Variants in MINDY4 observed in about 807,000 individuals in gnomAD.
The protein encoded by MINDY4 is MINDY lysine 48 deubiquitinase 4.
MINDY4 carries 68 observed loss-of-function variants against 87.0 expected under a neutral mutation model. The observed-to-expected ratio is 0.78, with a 90% CI of 0.64 to 0.96. The LOEUF (loss-of-function observed/expected upper bound fraction) is 0.96. Among genes scored for constraint, MINDY4 ranks in the 40% least tolerant of loss-of-function variants. The pLI, the probability that MINDY4 is intolerant of heterozygous loss-of-function variation, is 0.00. For synonymous variants in MINDY4, 379 were observed against 363.2 expected (o/e 1.04, Z -0.50); for missense variants, 919 against 928.2 (o/e 0.99, Z 0.13).
intron 6 of MINDY4, 38 bp from the exon 7 acceptor site, chr7:30,836,620 C>A (rs1272392575): frequency 6.6e-7 from 1 of 1,525,744 alleles, no homozygotes; most frequent in East Asian, 2.3e-5. Context: ...CTCCGTGAGT[C>A]ATAACGAAGG....
At chr7:30,842,212 C>T (rs184562085) in intron 9 of MINDY4, among the ~76,000 whole-genome samples, 20 of 152,362 alleles carry the variant, frequency 1.3e-4, no homozygotes, top group Middle Eastern at 3.4e-3. Context: ...GGCAAGATCT[C>T]ACCTGTCCTT....
intron 9 of MINDY4, among the ~76,000 whole-genome samples, chr7:30,841,718 C>T (rs143958818): frequency 8.2e-4 from 125 of 152,190 alleles, no homozygotes; most frequent in African/African-American, 2.0e-3. Flanking sequence ...ATCACAAAAC[C>T]GCACACCCAT....
intron 7 of MINDY4, among the ~76,000 whole-genome samples, chr7:30,837,555 C>G (rs911375133): frequency 6.6e-6 from 1 of 152,212 alleles, no homozygotes; most frequent in Non-Finnish European, 1.5e-5. Context: ...TCTCATATCT[C>G]CCCCTTCTTC....
chr7:30,879,594 C>T (rs1007093174), intron 15 of MINDY4, among the ~76,000 whole-genome samples: 1 of 152,236 alleles, frequency 6.6e-6, no homozygotes, highest in South Asian at 2.1e-4. Context: ...CTCGGGCTCT[C>T]TCCCACCTCC....
intron 1 of MINDY4, among the ~76,000 whole-genome samples, chr7:30,776,273 C>G (rs1195827295): frequency 6.6e-6 from 1 of 152,196 alleles, no homozygotes; most frequent in African/African-American, 2.4e-5. Flanking sequence ...TACCTCCTTT[C>G]CCCTGCCATG....
rs1273019704 is a variant in MINDY4 at position 30,787,348 on chromosome 7, A to G, written c.663+1356A>G. 2.0e-5 allele frequency among the ~76,000 whole-genome samples: 3 copies of G among 152,244 alleles called. No homozygotes were observed. In the East Asian group the frequency reaches 5.8e-4, roughly 29 times the overall value. ...ATAAACTGAACCCTGTCCAGGGGAA[A>G]GGGGCTAGAATGGTGAACAGTTTGG... is the stretch of plus-strand genomic sequence containing the variant. On this transcript the variant is annotated intron_variant, in intron 4 of 17. Transcript: ENST00000265299.
At chr7:30,850,280 A>AC (rs1259040080) in intron 9 of MINDY4, among the ~76,000 whole-genome samples, 174 bp from the exon 10 acceptor site, 3 of 151,946 alleles carry the variant, frequency 2.0e-5, no homozygotes, top group Non-Finnish European at 4.4e-5. Context: ...AGCTGTGGAG[A>AC]CCCCTCTTTC....
chr7:30,866,272 C>T (rs1348900607), intron 13 of MINDY4, among the ~76,000 whole-genome samples: 2 of 152,180 alleles, frequency 1.3e-5, no homozygotes, highest in Non-Finnish European at 2.9e-5. Context: ...GGGCCAGGTG[C>T]GCAGAGAAAG....
chr7:30,826,728 CT>C (rs1338777723), intron 5 of MINDY4, among the ~76,000 whole-genome samples: 1 of 152,194 alleles, frequency 6.6e-6, no homozygotes, highest in Non-Finnish European at 1.5e-5. Context: ...GATAGGGTTA[CT>C]TGCTGTGTAA....
At chr7:30,889,984 G>A (rs768073675) in intron 17 of MINDY4, among the ~76,000 whole-genome samples, 2 of 152,214 alleles carry the variant, frequency 1.3e-5, no homozygotes, top group Non-Finnish European at 2.9e-5. Flanking sequence ...AATGGTTCAG[G>A]TGATAAAAGG....
At chr7:30,774,763 C>T (rs1445794249) in intron 1 of MINDY4, among the ~76,000 whole-genome samples, 1 of 151,880 alleles carries the variant, frequency 6.6e-6, no homozygotes, top group African/African-American at 2.4e-5. Context: ...CCTCCTACTC[C>T]TCTGGGTGCT....
Position 30,793,243 on chromosome 7 carries a change from C to T in MINDY4, c.1073+1669C>T, listed in dbSNP as rs1380299583. Among the ~76,000 whole-genome samples, 5 of 151,048 alleles carry T rather than the reference C, an allele frequency of 3.3e-5. 1 individual carries two copies. The highest frequency in any genetic ancestry group is 1.3e-4 in the Admixed American group (2 of 15,164). Reference sequence around the variant, plus strand: ...CTTCTAGTATATAGTTAAAGCCTATCTCTGATAAACAGCATGTATTTGGAA... The same window carrying T: ...CTTCTAGTATATAGTTAAAGCCTATTTCTGATAAACAGCATGTATTTGGAA... On this transcript the variant is annotated intron_variant, in intron 5 of 17. Transcript: ENST00000265299.
At chr7:30,889,020 A>G (rs1490427388) in intron 17 of MINDY4, among the ~76,000 whole-genome samples, 1 of 152,134 alleles carries the variant, frequency 6.6e-6, no homozygotes, top group Non-Finnish European at 1.5e-5. Flanking sequence ...TGGGGAGGGT[A>G]AAGGCTTGAA....
At chr7:30,797,492 C>T (rs954300156) in intron 5 of MINDY4, among the ~76,000 whole-genome samples, 5 of 152,146 alleles carry the variant, frequency 3.3e-5, no homozygotes, top group African/African-American at 7.2e-5. Context: ...GATCTCTGGA[C>T]GCAAATGCCG....
At chr7:30,798,644 C>A (rs1247840289) in intron 5 of MINDY4, among the ~76,000 whole-genome samples, 3 of 152,148 alleles carry the variant, frequency 2.0e-5, no homozygotes, top group African/African-American at 7.2e-5. Flanking sequence ...CTGCAGTCGC[C>A]CGCCACCACG....
intron 12 of MINDY4, chr7:30,859,016 A>G (rs1366392005): frequency 1.4e-6 from 1 of 706,150 alleles, no homozygotes; most frequent in African/African-American, 1.8e-5. Flanking sequence ...CTCTGAGGTC[A>G]CTGATGCTCT....
chr7:30,803,703 G>C (rs934397282), intron 5 of MINDY4, among the ~76,000 whole-genome samples: 3 of 152,118 alleles, frequency 2.0e-5, no homozygotes, highest in African/African-American at 4.8e-5. Context: ...TTTGGGGTAG[G>C]GGGGAAAGTT....
At chr7:30,821,633 C>G (rs902120193) in intron 5 of MINDY4, among the ~76,000 whole-genome samples, 4 of 152,138 alleles carry the variant, frequency 2.6e-5, no homozygotes, top group Non-Finnish European at 5.9e-5. Flanking sequence ...TAGCAATTAC[C>G]TTTTCAGGTA....
chr7:30,851,965 T>C (rs1422789866), intron 10 of MINDY4, among the ~76,000 whole-genome samples: 2 of 152,210 alleles, frequency 1.3e-5, no homozygotes, highest in Non-Finnish European at 2.9e-5. Flanking sequence ...GTTTGGTTAT[T>C]CCAAGCTCTC....
Sources: allele counts gnomAD v4.1 joint callset (sites outside exome capture counted in the v4.1 genomes callset), GRCh38; gene constraint gnomAD v4.1.1; transcripts MANE v1.5; gene names NCBI Gene and HGNC (gene_info 2026-07-23, HGNC 2026-07-21).